SPAG16: variants seen among roughly 807,000 people sequenced by gnomAD.
SPAG16 encodes sperm-associated antigen 16 protein.
SPAG16 carries 86 observed loss-of-function variants against 80.4 expected under a neutral mutation model. That is an observed-to-expected ratio of 1.07 (90% confidence interval 0.90 to 1.28). SPAG16 has a LOEUF of 1.28. Among genes scored for constraint, SPAG16 ranks in the 50% most tolerant of loss-of-function variants. SPAG16 has a pLI of 0.00. For synonymous variants in SPAG16, 294 were observed against 265.9 expected, an observed-to-expected ratio of 1.11 and a Z score of -1.03; for missense variants, 870 against 765.3, an observed-to-expected ratio of 1.14 and a Z score of -1.61.
intron 9 of SPAG16, among the ~76,000 whole-genome samples, chr2:213,469,582 T>TG (rs1300927774): frequency 2.0e-5 from 3 of 147,136 alleles, no homozygotes; most frequent in Non-Finnish European, 4.5e-5. Context: ...TTTTTTTTTT[T>TG]TTTTTTTTTT....
At chr2:213,800,423 G>A (rs1360592587) in intron 10 of SPAG16, among the ~76,000 whole-genome samples, 1 of 149,308 alleles carries the variant, frequency 6.7e-6, no homozygotes, top group Non-Finnish European at 1.5e-5. Flanking sequence ...CTGGAGTGTG[G>A]GGGCACAATC....
intron 10 of SPAG16, among the ~76,000 whole-genome samples, chr2:213,636,066 A>G (rs1299988399): frequency 6.6e-6 from 1 of 152,124 alleles, no homozygotes; most frequent in African/African-American, 2.4e-5. Context: ...GTCTTCTGAA[A>G]TTTTTATGGT....
intron 10 of SPAG16, among the ~76,000 whole-genome samples, chr2:213,574,250 C>A (rs147587366): frequency 6.6e-6 from 1 of 152,126 alleles, no homozygotes; most frequent in African/African-American, 2.4e-5. Context: ...TATATACAAT[C>A]AAATTTTTGC....
chr2:213,529,688 A>T (rs1246568105), intron 10 of SPAG16, among the ~76,000 whole-genome samples: 1 of 152,210 alleles, frequency 6.6e-6, no homozygotes, highest in Non-Finnish European at 1.5e-5. Flanking sequence ...GGCAACTGTA[A>T]CACAATGGTC....
Position 213,330,190 on chromosome 2 carries a change from G to C in SPAG16, c.537-9973G>C, listed in dbSNP as rs551345376. Among the ~76,000 whole-genome samples the C allele has an allele frequency of 2.0e-5, 3 of 152,354 alleles. No homozygotes were observed. In the South Asian group the frequency reaches 6.2e-4, roughly 32 times the overall value. On this transcript the variant is annotated intron_variant, in intron 5 of 15. Coordinates refer to ENST00000331683, the MANE Select transcript of SPAG16 (RefSeq NM_024532.5). ...AGTCCCTACTGGAGCATTGCCTAGT[G>C]GAGCTGTGAGAAGAGGGCCACTATC... is the stretch of plus-strand genomic sequence containing the variant.
chr2:213,977,904 A>G (rs193089936), intron 12 of SPAG16, among the ~76,000 whole-genome samples: 4 of 152,140 alleles, frequency 2.6e-5, no homozygotes, highest in Non-Finnish European at 4.4e-5. Flanking sequence ...CATCTTTTCT[A>G]TATAAGCCTC....
chr2:213,932,569 A>G (rs1181074177), intron 12 of SPAG16, among the ~76,000 whole-genome samples: 1 of 152,112 alleles, frequency 6.6e-6, no homozygotes, highest in Non-Finnish European at 1.5e-5. Flanking sequence ...CAGAGAAGGA[A>G]GAGTTTAGAA....
intron 12 of SPAG16, among the ~76,000 whole-genome samples, chr2:213,939,843 C>T (rs192936109): frequency 6.2e-4 from 95 of 152,178 alleles, no homozygotes; most frequent in African/African-American, 2.1e-3. Flanking sequence ...CAAAGATGTG[C>T]TGTATCTCAA....
chr2:213,932,147 CATATATATATAT>C (rs61264162), intron 12 of SPAG16, among the ~76,000 whole-genome samples: 839 of 30,214 alleles, frequency 0.028, 13 homozygotes, highest in Admixed American at 0.035. Flanking sequence ...CTTGATACTG[CATATATATATAT>C]ATATATATAT....
chr2:213,324,430 A>G lies in SPAG16; in HGVS notation c.536+7074A>G, dbSNP rs959099492. Among the ~76,000 whole-genome samples the G allele has an allele frequency of 9.7e-4, 147 of 152,146 alleles. 1 individual carries two copies. The highest frequency in any genetic ancestry group is 2.4e-4 in the Non-Finnish European group (16 of 67,990). Reference sequence around the variant, plus strand: ...GTTTTCCTCATGTCCCTTCTCAGTCATTCTCTGTCCCAGCAATCACTTTTA... The same window carrying G: ...GTTTTCCTCATGTCCCTTCTCAGTCGTTCTCTGTCCCAGCAATCACTTTTA... On this transcript the variant is annotated intron_variant, in intron 5 of 15. Transcript: ENST00000331683.
At chr2:213,451,553 G>A (rs535951170) in intron 9 of SPAG16, among the ~76,000 whole-genome samples, 2 of 152,200 alleles carry the variant, frequency 1.3e-5, no homozygotes, top group Non-Finnish European at 2.9e-5. Flanking sequence ...CATGGCCAAG[G>A]AAATCAAAGA....
chr2:213,667,917 T>C (rs1316675094), intron 10 of SPAG16, among the ~76,000 whole-genome samples: 1 of 151,178 alleles, frequency 6.6e-6, no homozygotes, highest in Admixed American at 6.6e-5. Flanking sequence ...ACGAGTGTAT[T>C]TGAATAAAAA....
At chr2:213,869,314 A>G (rs1019409567) in intron 11 of SPAG16, among the ~76,000 whole-genome samples, 88 of 88,954 alleles carry the variant, frequency 9.9e-4, no homozygotes, top group African/African-American at 2.8e-3. Context: ...TATAATATGT[A>G]TACACACACA....
intron 13 of SPAG16, among the ~76,000 whole-genome samples, chr2:214,055,021 C>T (rs147222083): frequency 2.6e-5 from 4 of 152,246 alleles, no homozygotes; most frequent in Admixed American, 6.5e-5. Context: ...ATATTCACAG[C>T]AGGAGTGACA....
At chr2:213,302,710 T>C (rs958057491) in intron 3 of SPAG16, 2 of 151,980 alleles carry the variant, frequency 1.3e-5, no homozygotes, top group South Asian at 4.1e-4. Context: ...TACAAGCTTA[T>C]ACATTTTATT....
At chr2:214,296,621 T>A (rs1433881091) in intron 15 of SPAG16, among the ~76,000 whole-genome samples, 1 of 152,238 alleles carries the variant, frequency 6.6e-6, no homozygotes, top group Non-Finnish European at 1.5e-5. Context: ...GGTTTTAATT[T>A]GCATTTCTCT....
At chr2:213,542,776 T>G (rs2076492560) in intron 10 of SPAG16, among the ~76,000 whole-genome samples, 1 of 152,158 alleles carries the variant, frequency 6.6e-6, no homozygotes, top group South Asian at 2.1e-4. Context: ...TGTTGTTTTT[T>G]TAGTTTGCTC....
intron 9 of SPAG16, among the ~76,000 whole-genome samples, chr2:213,412,816 A>T (rs2125402684): frequency 6.6e-6 from 1 of 152,216 alleles, no homozygotes; most frequent in East Asian, 1.9e-4. Flanking sequence ...TAAGAGATAG[A>T]TCCTAGGAGT....
intron 7 of SPAG16, among the ~76,000 whole-genome samples, chr2:213,358,463 C>T (rs977377755): frequency 6.6e-6 from 1 of 152,134 alleles, no homozygotes. Context: ...TTTCTTTTTA[C>T]TCTTTTTCTC....
Sources: gnomAD v4.1 joint callset for allele counts (sites outside exome capture counted in the v4.1 genomes callset) on GRCh38, gnomAD v4.1.1 for gene constraint, MANE v1.5 for transcripts, NCBI Gene and HGNC (gene_info 2026-07-23, HGNC 2026-07-21) for gene names.